Variants in IMMP2L observed in about 807,000 individuals in gnomAD.
IMMP2L encodes the protein inner mitochondrial membrane peptidase subunit 2.
Under a neutral mutation model 19.3 loss-of-function variants are expected in IMMP2L, and 18 were observed. The ratio of observed to expected loss-of-function variants is 0.93; its 90% CI spans 0.64 to 1.38. The LOEUF (loss-of-function observed/expected upper bound fraction) is 1.38, where lower values mean the gene tolerates loss of function less well. Among genes scored for constraint, IMMP2L ranks in the 40% most tolerant of loss-of-function variants. The pLI is 0.00. For synonymous variants in IMMP2L, 76 were observed against 73.0 expected (o/e 1.04, Z -0.21); for missense variants, 233 against 218.2 (o/e 1.07, Z -0.43).
intron 1 of IMMP2L, among the ~76,000 whole-genome samples, chr7:111,542,878 C>G (rs1848611609): frequency 6.6e-6 from 1 of 152,124 alleles, no homozygotes. Flanking sequence ...TTTCAGCACT[C>G]TCAATTGCCT....
intron 5 of IMMP2L, among the ~76,000 whole-genome samples, chr7:110,811,073 C>T (rs1802000308): frequency 6.6e-6 from 1 of 152,042 alleles, no homozygotes; most frequent in East Asian, 1.9e-4. Context: ...CAGGCTCTGG[C>T]TTCTGATACC....
intron 5 of IMMP2L, among the ~76,000 whole-genome samples, chr7:110,775,960 CAT>C (rs1799357406): frequency 7.2e-6 from 1 of 138,940 alleles, no homozygotes; most frequent in African/African-American, 2.9e-5. Flanking sequence ...AAAATACACA[CAT>C]GTAAAAAAAA....
intron 5 of IMMP2L, among the ~76,000 whole-genome samples, chr7:110,832,972 T>G (rs1804104451): frequency 6.6e-6 from 1 of 152,202 alleles, no homozygotes; most frequent in Non-Finnish European, 1.5e-5. Flanking sequence ...CTCTGGGAAC[T>G]CTACTGGTGA....
intron 5 of IMMP2L, among the ~76,000 whole-genome samples, chr7:110,863,835 T>C (rs181076452): frequency 6.6e-6 from 1 of 152,212 alleles, no homozygotes; most frequent in East Asian, 1.9e-4. Context: ...TGTAACTCCA[T>C]CACAAGTCGA....
chr7:111,306,376 A>C (rs917074951), intron 3 of IMMP2L, among the ~76,000 whole-genome samples: 3 of 152,138 alleles, frequency 2.0e-5, no homozygotes, highest in Admixed American at 6.6e-5. Flanking sequence ...GGATACTGAT[A>C]AATGGGGAAG....
chr7:111,488,636 G>A (rs1033392927), intron 2 of IMMP2L, among the ~76,000 whole-genome samples: 9 of 152,168 alleles, frequency 5.9e-5, no homozygotes, highest in Non-Finnish European at 1.0e-4. Context: ...TGCTATAAAC[G>A]TGCGTGCAAG....
chr7:110,696,965 T>C (rs1022159592), intron 5 of IMMP2L, among the ~76,000 whole-genome samples: 1 of 152,052 alleles, frequency 6.6e-6, no homozygotes, highest in Non-Finnish European at 1.5e-5. Flanking sequence ...TGAGGAGAGA[T>C]AAGAAGTGCA....
chr7:111,480,388 C>T (rs1303086040), intron 3 of IMMP2L, among the ~76,000 whole-genome samples: 1 of 151,838 alleles, frequency 6.6e-6, no homozygotes, highest in Non-Finnish European at 1.5e-5. Context: ...CCAAGGATAT[C>T]AACTTTTTGT....
chr7:111,429,340 C>T (rs1252040518), intron 3 of IMMP2L, among the ~76,000 whole-genome samples: 1 of 151,862 alleles, frequency 6.6e-6, no homozygotes, highest in East Asian at 1.9e-4. Flanking sequence ...TTCAAAAACT[C>T]TACTTTGCCA....
At chr7:110,866,461 T>C in intron 5 of IMMP2L, among the ~76,000 whole-genome samples, 1 of 151,764 alleles carries the variant, frequency 6.6e-6, no homozygotes, top group East Asian at 1.9e-4. Flanking sequence ...CAGTACCAAC[T>C]GGCTTCCCTG....
intron 5 of IMMP2L, among the ~76,000 whole-genome samples, chr7:110,868,595 T>C (rs540301464): frequency 6.6e-6 from 1 of 152,180 alleles, no homozygotes; most frequent in Non-Finnish European, 1.5e-5. Flanking sequence ...AAAGGAGACA[T>C]ACACAAAGAT....
chr7:110,713,854 C>A (rs750104186), intron 5 of IMMP2L, among the ~76,000 whole-genome samples: 1 of 152,072 alleles, frequency 6.6e-6, no homozygotes, highest in Non-Finnish European at 1.5e-5. Context: ...TCTAGGTATA[C>A]AATCATATCA....
intron 3 of IMMP2L, among the ~76,000 whole-genome samples, chr7:111,339,394 A>T (rs902763267): frequency 7.9e-5 from 12 of 151,134 alleles, no homozygotes; most frequent in Admixed American, 7.3e-4. Context: ...AAGAAGAATT[A>T]AAAAAAAAGA....
At chr7:110,748,874 A>G (rs1200878848) in intron 5 of IMMP2L, among the ~76,000 whole-genome samples, 1 of 152,138 alleles carries the variant, frequency 6.6e-6, no homozygotes, top group Non-Finnish European at 1.5e-5. Flanking sequence ...GAAAGCAATG[A>G]CATCAAATGG....
intron 3 of IMMP2L, among the ~76,000 whole-genome samples, chr7:111,065,708 C>A (rs73418037): frequency 0.028 from 4,239 of 152,256 alleles, 85 homozygotes; most frequent in Middle Eastern, 0.12. Context: ...TCTCGAACAT[C>A]GGACTCCAAG....
intron 3 of IMMP2L, among the ~76,000 whole-genome samples, chr7:111,347,626 G>A (rs756393680): frequency 1.3e-4 from 20 of 152,004 alleles, no homozygotes; most frequent in Non-Finnish European, 2.5e-4. Context: ...CAGAGAGGAA[G>A]CCTCTCTCCG....
chr7:110,669,513 C>T (rs78662150), intron 5 of IMMP2L, among the ~76,000 whole-genome samples: 3,694 of 152,288 alleles, frequency 0.024, 155 homozygotes, highest in African/African-American at 0.085. Context: ...AGCACACTGG[C>T]ACAGCCAAGC....
intron 3 of IMMP2L, among the ~76,000 whole-genome samples, chr7:111,174,096 C>T (rs1023949534): frequency 1.3e-5 from 2 of 151,680 alleles, no homozygotes; most frequent in African/African-American, 4.8e-5. Context: ...TACACATACA[C>T]ATACTCATAT....
intron 5 of IMMP2L, among the ~76,000 whole-genome samples, chr7:110,797,795 C>G (rs1800958065): frequency 6.6e-6 from 1 of 151,968 alleles, no homozygotes; most frequent in Non-Finnish European, 1.5e-5. Flanking sequence ...AAGTTGAAAT[C>G]TGCTAACAGA....
Sources: gnomAD v4.1 joint callset for allele counts (sites outside exome capture counted in the v4.1 genomes callset) on GRCh38, gnomAD v4.1.1 for gene constraint, MANE v1.5 for transcripts, NCBI Gene and HGNC (gene_info 2026-07-23, HGNC 2026-07-21) for gene names.